ALG14: variants seen among roughly 807,000 people sequenced by gnomAD.
The protein encoded by ALG14 is UDP-N-acetylglucosamine transferase subunit ALG14.
Under a neutral mutation model 22.8 loss-of-function variants are expected in ALG14, and 17 were observed. The observed-to-expected ratio is 0.75, with a 90% CI of 0.51 to 1.12. The LOEUF (loss-of-function observed/expected upper bound fraction) is 1.12. ALG14 is among the 50% of genes most tolerant of loss of function. The pLI is 0.00. For synonymous variants in ALG14, 89 were observed against 103.7 expected, an observed-to-expected ratio of 0.86 and a Z score of 0.86; for missense variants, 288 against 271.8, an observed-to-expected ratio of 1.06 and a Z score of -0.42.
Position 94,980,394 on chromosome 1 carries a change from C to A in ALG14, c.*2682G>T, listed in dbSNP as rs1672474080. On this transcript the variant is annotated 3_prime_UTR_variant, in exon 4 of 4. Transcript: ENST00000370205. ...GGATAGCTGGACTGTAGATAGAAAT[C>A]TTCCAGGGAAGTAGGTGTGGGCAGG... is the stretch of plus-strand genomic sequence containing the variant. 1 of 152,202 alleles carries A rather than the reference C, an allele frequency of 6.6e-6. No homozygotes were observed. Among genetic ancestry groups the A allele is most frequent in the South Asian group, 2.1e-4 (1 of 4,828 alleles). 9.4% of individuals were successfully genotyped at this position (152,202 alleles called of 1,614,324 possible). A position where few individuals can be genotyped will look rare whatever the true frequency, so the allele number is the denominator to read the frequency against.
At chr1:95,040,970 A>G (rs1287468993) in intron 2 of ALG14, among the ~76,000 whole-genome samples, 1 of 152,246 alleles carries the variant, frequency 6.6e-6, no homozygotes, top group African/African-American at 2.4e-5. Flanking sequence ...GACTGGCTTT[A>G]GGTCTAGAGA....
At chr1:95,030,869 G>C (rs1025267674) in intron 2 of ALG14, among the ~76,000 whole-genome samples, 8 of 152,188 alleles carry the variant, frequency 5.3e-5, no homozygotes, top group Admixed American at 5.2e-4. Flanking sequence ...ATAGAAACTA[G>C]TGCAAGCATG....
intron 1 of ALG14, among the ~76,000 whole-genome samples, chr1:95,068,720 TC>T: frequency 6.6e-6 from 1 of 152,332 alleles, no homozygotes; most frequent in African/African-American, 2.4e-5. Flanking sequence ...TTACAAGTCT[TC>T]CTTTAATTGG....
At chr1:95,028,195 C>T (rs1279212264) in intron 2 of ALG14, among the ~76,000 whole-genome samples, 3 of 152,122 alleles carry the variant, frequency 2.0e-5, no homozygotes, top group African/African-American at 7.2e-5. Flanking sequence ...GTTGCTCAGG[C>T]TGGAGTGCAT....
intron 3 of ALG14, among the ~76,000 whole-genome samples, chr1:95,013,146 A>C (rs888988642): frequency 7.9e-5 from 12 of 151,402 alleles, no homozygotes; most frequent in African/African-American, 1.5e-4. Flanking sequence ...ATAAAAAAAA[A>C]CCCAGAAGAA....
At chr1:94,984,620 C>A (rs888916705) in intron 3 of ALG14, among the ~76,000 whole-genome samples, 3 of 152,218 alleles carry the variant, frequency 2.0e-5, no homozygotes, top group East Asian at 3.8e-4. Context: ...TGTCTTCAGA[C>A]TTTCCCTTGA....
intron 3 of ALG14, among the ~76,000 whole-genome samples, chr1:94,987,466 A>C (rs1401048654): frequency 6.6e-6 from 1 of 152,178 alleles, no homozygotes; most frequent in Non-Finnish European, 1.5e-5. Context: ...AGATACTAAA[A>C]ATAATATGTT....
intron 3 of ALG14, among the ~76,000 whole-genome samples, chr1:94,999,728 A>G (rs923474103): frequency 6.6e-6 from 1 of 152,196 alleles, no homozygotes; most frequent in African/African-American, 2.4e-5. Context: ...CCTGCTGGGA[A>G]AGGACCTCTG....
intron 2 of ALG14, among the ~76,000 whole-genome samples, chr1:95,033,727 C>G (rs1290454669): frequency 6.6e-6 from 1 of 152,068 alleles, no homozygotes; most frequent in Non-Finnish European, 1.5e-5. Flanking sequence ...TATACACATT[C>G]CATAGCTAAC....
chr1:95,065,477 T>C (rs1271892248), intron 1 of ALG14, among the ~76,000 whole-genome samples: 2 of 151,824 alleles, frequency 1.3e-5, no homozygotes, highest in African/African-American at 2.4e-5. Flanking sequence ...AATGGAGAGA[T>C]AGGAGTAGGG....
intron 2 of ALG14, among the ~76,000 whole-genome samples, chr1:95,054,590 T>C (rs79180572): frequency 0.046 from 6,991 of 152,264 alleles, 216 homozygotes; most frequent in South Asian, 0.083. Flanking sequence ...TGTCAATACA[T>C]TAGCAAATTT....
At chr1:95,022,959 C>G (rs528073462) in intron 3 of ALG14, among the ~76,000 whole-genome samples, 81 of 152,162 alleles carry the variant, frequency 5.3e-4, no homozygotes, top group African/African-American at 1.9e-3. Flanking sequence ...AGTTAATTGC[C>G]TCTTCTTAAT....
intron 2 of ALG14, among the ~76,000 whole-genome samples, chr1:95,052,336 T>C (rs1674775998): frequency 1.3e-5 from 2 of 152,090 alleles, no homozygotes; most frequent in Admixed American, 6.5e-5. Context: ...GCAATAATAA[T>C]GATAACTAAT....
At chr1:94,991,368 C>T (rs1041846959) in intron 3 of ALG14, among the ~76,000 whole-genome samples, 4 of 152,210 alleles carry the variant, frequency 2.6e-5, no homozygotes, top group Non-Finnish European at 5.9e-5. Flanking sequence ...GTTACACCTA[C>T]GCTAAATTGT....
At chr1:95,036,416 CCTCTT>C (rs1674195563) in intron 2 of ALG14, among the ~76,000 whole-genome samples, 1 of 134,066 alleles carries the variant, frequency 7.5e-6, no homozygotes, top group South Asian at 2.4e-4. Flanking sequence ...GTCAATTAAA[CCTCTT>C]TTTTTTTTTT....
intron 2 of ALG14, among the ~76,000 whole-genome samples, chr1:95,056,250 T>C (rs74851942): frequency 0.046 from 6,993 of 152,308 alleles, 215 homozygotes; most frequent in South Asian, 0.083. Flanking sequence ...GCTGAATAAA[T>C]GGTGCTGGGC....
chr1:94,983,343 A>G, intron 3 of ALG14, 37 bp from the exon 4 acceptor site: 1 of 1,564,870 alleles, frequency 6.4e-7, no homozygotes, highest in East Asian at 2.2e-5. Flanking sequence ...GAAAATACAG[A>G]ATAATAATCT....
chr1:95,021,380 C>T (rs1218845117), intron 3 of ALG14, among the ~76,000 whole-genome samples: 9 of 152,266 alleles, frequency 5.9e-5, no homozygotes, highest in South Asian at 2.1e-4. Flanking sequence ...CTTCCCATGA[C>T]GCTTCCCTAC....
chr1:95,067,889 G>A (rs1675428385), intron 1 of ALG14, among the ~76,000 whole-genome samples: 1 of 152,126 alleles, frequency 6.6e-6, no homozygotes, highest in Admixed American at 6.5e-5. Flanking sequence ...CCCTCTTGGA[G>A]CTCATCTCCT....
Sources: allele counts gnomAD v4.1 joint callset (sites outside exome capture counted in the v4.1 genomes callset), GRCh38; gene constraint gnomAD v4.1.1; transcripts MANE v1.5; gene names NCBI Gene and HGNC (gene_info 2026-07-23, HGNC 2026-07-21).